SLC12A8: variants seen among roughly 807,000 people sequenced by gnomAD.
The protein encoded by SLC12A8 is solute carrier family 12 member 8, also known as cation-chloride cotransporter 9.
In SLC12A8, 69 loss-of-function variants were observed where a neutral mutation model predicts 75.6. The observed-to-expected ratio is 0.91, with a 90% CI of 0.75 to 1.11. The LOEUF (loss-of-function observed/expected upper bound fraction) is 1.11, where lower values mean the gene tolerates loss of function less well. SLC12A8 is among the 50% of genes most tolerant of loss of function. The pLI is 0.00. For synonymous variants in SLC12A8, 365 were observed against 372.8 expected (o/e 0.98, Z 0.24); for missense variants, 877 against 896.7 (o/e 0.98, Z 0.28).
At chr3:125,201,544 G>C (rs1392023880) in intron 2 of SLC12A8, among the ~76,000 whole-genome samples, 1 of 152,046 alleles carries the variant, frequency 6.6e-6, no homozygotes, top group East Asian at 1.9e-4. Flanking sequence ...GGAGGCCCAT[G>C]GGAGGATTGC....
At chr3:125,141,166 GGGT>G (rs1166543039) in intron 5 of SLC12A8, among the ~76,000 whole-genome samples, 4 of 148,560 alleles carry the variant, frequency 2.7e-5, no homozygotes, top group African/African-American at 9.9e-5. Context: ...ACAAAAAGGG[GGGT>G]GGGGTGGGGT....
At chr3:125,132,957 T>A (rs972887710) in intron 6 of SLC12A8, among the ~76,000 whole-genome samples, 1 of 151,908 alleles carries the variant, frequency 6.6e-6, no homozygotes, top group Non-Finnish European at 1.5e-5. Flanking sequence ...GGGAAGTGGG[T>A]TGTTGCTGAG....
intron 5 of SLC12A8, among the ~76,000 whole-genome samples, chr3:125,175,589 A>G (rs768199762): frequency 1.1e-4 from 17 of 152,114 alleles, no homozygotes; most frequent in East Asian, 1.9e-4. Context: ...CGGCCTTGCA[A>G]TTTCACTAAT....
intron 1 of SLC12A8, among the ~76,000 whole-genome samples, chr3:125,211,808 G>A (rs1401077246): frequency 6.6e-6 from 1 of 152,224 alleles, no homozygotes; most frequent in Non-Finnish European, 1.5e-5. Flanking sequence ...CAGGTGGTGA[G>A]TGAATGTAGC....
At position 125,170,948 on chromosome 3, in the gene SLC12A8, T is replaced by C. The variant is rs1313043260; in HGVS notation, c.622+6795A>G. ...AAAGAAAGAAAGAAAGAAAATAGAC[T>C]GAGAAGCTATGTGCCGATCTCCCTC... On this transcript the variant is annotated intron_variant, in intron 5 of 13. Transcript: ENST00000469902. Among the ~76,000 whole-genome samples the C allele has an allele frequency of 5.3e-5, 8 of 152,042 alleles. No homozygotes were observed. The East Asian group carries it at 1.5e-3, about 29-fold the overall frequency.
chr3:125,182,284 G>A (rs888602733), intron 4 of SLC12A8, among the ~76,000 whole-genome samples: 8 of 151,790 alleles, frequency 5.3e-5, no homozygotes, highest in South Asian at 2.1e-4. Flanking sequence ...CTGTGATGGC[G>A]TCACTGCACT....
intron 5 of SLC12A8, among the ~76,000 whole-genome samples, chr3:125,150,190 T>G (rs1174979544): frequency 6.6e-6 from 1 of 152,210 alleles, no homozygotes; most frequent in Non-Finnish European, 1.5e-5. Flanking sequence ...AATTGCCAGA[T>G]GAAACTAAAA....
intron 5 of SLC12A8, among the ~76,000 whole-genome samples, chr3:125,176,472 A>C (rs144005249): frequency 2.1e-3 from 322 of 152,358 alleles, no homozygotes; most frequent in African/African-American, 7.1e-3. Context: ...AAAATTGACA[A>C]ATGGGATACA....
At chr3:125,184,608 A>C (rs1231714599) in intron 4 of SLC12A8, among the ~76,000 whole-genome samples, 1 of 151,954 alleles carries the variant, frequency 6.6e-6, no homozygotes, top group African/African-American at 2.4e-5. Flanking sequence ...AAATGAATGC[A>C]CACATGCCCT....
chr3:125,162,960 G>A (rs987558396), intron 5 of SLC12A8, among the ~76,000 whole-genome samples: 2 of 152,054 alleles, frequency 1.3e-5, no homozygotes, highest in African/African-American at 4.8e-5. Context: ...AGAAAGGGAT[G>A]GGAAGAAAGA....
At chr3:125,109,571 A>G (rs748530823) in intron 9 of SLC12A8, among the ~76,000 whole-genome samples, 4 of 152,164 alleles carry the variant, frequency 2.6e-5, no homozygotes, top group Non-Finnish European at 5.9e-5. Context: ...CTTGCAAACC[A>G]TATTAGTGGG....
intron 10 of SLC12A8, among the ~76,000 whole-genome samples, chr3:125,097,317 A>T (rs1579465621): frequency 6.6e-6 from 1 of 152,078 alleles, no homozygotes; most frequent in African/African-American, 2.4e-5. Context: ...TAAACCCAGG[A>T]GGCTGAGGTT....
chr3:125,180,957 A>G (rs1290776447), intron 4 of SLC12A8, among the ~76,000 whole-genome samples: 1 of 152,236 alleles, frequency 6.6e-6, no homozygotes, highest in Non-Finnish European at 1.5e-5. Flanking sequence ...GTAGGAAAGT[A>G]AATGTATCAT....
intron 9 of SLC12A8, among the ~76,000 whole-genome samples, chr3:125,109,553 A>G (rs1376392703): frequency 1.3e-5 from 2 of 152,166 alleles, no homozygotes; most frequent in Non-Finnish European, 2.9e-5. Context: ...GACAAAAATG[A>G]ACTCTAGCTT....
chr3:125,107,470 A>T lies in SLC12A8; in HGVS notation c.1705+11T>A. ...AAATAAGAGGCCCCAGTGTGATACC[A>T]GAGCACTCACCTTCTCCACTGGACT... is the stretch of plus-strand genomic sequence containing the variant. On this transcript the variant is annotated intron_variant, in intron 10 of 13. Transcript: ENST00000469902. The T allele has an allele frequency of 6.3e-7, 1 of 1,596,354 alleles. No homozygotes were observed. The highest frequency in any genetic ancestry group is 8.6e-7 in the Non-Finnish European group (1 of 1,167,030).
intron 5 of SLC12A8, among the ~76,000 whole-genome samples, chr3:125,159,044 C>G (rs1305377886): frequency 6.6e-6 from 1 of 152,160 alleles, no homozygotes; most frequent in Admixed American, 6.5e-5. Context: ...CAGAGCAAGA[C>G]AGACAATGAT....
intron 2 of SLC12A8, among the ~76,000 whole-genome samples, chr3:125,204,839 C>T (rs1935196091): frequency 6.6e-6 from 1 of 151,972 alleles, no homozygotes; most frequent in African/African-American, 2.4e-5. Context: ...CATATGTACC[C>T]CCATAAATAC....
chr3:125,121,010 T>C (rs1375468382), intron 6 of SLC12A8: 1 of 641,432 alleles, frequency 1.6e-6, no homozygotes, highest in African/African-American at 1.8e-5. Context: ...CTGCGCTGCC[T>C]GCTGAGCTGG....
intron 2 of SLC12A8, among the ~76,000 whole-genome samples, chr3:125,195,342 C>T (rs528229254): frequency 6.6e-6 from 1 of 152,312 alleles, no homozygotes; most frequent in South Asian, 2.1e-4. Context: ...CCAGAATGGA[C>T]CTCCATTGAG....
Sources: allele counts gnomAD v4.1 joint callset (sites outside exome capture counted in the v4.1 genomes callset), GRCh38; gene constraint gnomAD v4.1.1; transcripts MANE v1.5; gene names NCBI Gene and HGNC (gene_info 2026-07-23, HGNC 2026-07-21).